Variants in CPNE4 observed in about 807,000 individuals in gnomAD.
CPNE4 encodes the protein copine 4.
In CPNE4, 25 loss-of-function variants were observed where a neutral mutation model predicts 67.9. The ratio of observed to expected loss-of-function variants is 0.37; its 90% CI spans 0.27 to 0.51. The LOEUF (loss-of-function observed/expected upper bound fraction) is 0.51, where lower values mean the gene tolerates loss of function less well. Ranked by LOEUF, CPNE4 falls within the 20% of genes least tolerant of loss-of-function variation. The pLI, the probability that CPNE4 is intolerant of heterozygous loss-of-function variation, is 0.93. For missense variants in CPNE4, 464 were observed against 690.8 expected, an observed-to-expected ratio of 0.67 and a Z score of 3.68; for synonymous variants, 242 against 244.9, an observed-to-expected ratio of 0.99 and a Z score of 0.11.
At chr3:131,675,059 T>A (rs1231636086) in intron 6 of CPNE4, among the ~76,000 whole-genome samples, 3 of 152,140 alleles carry the variant, frequency 2.0e-5, no homozygotes, top group Non-Finnish European at 4.4e-5. Context: ...CTTAATTTCT[T>A]CATTGATCCA....
chr3:131,826,371 T>A (rs546883146), intron 2 of CPNE4, among the ~76,000 whole-genome samples: 39 of 151,908 alleles, frequency 2.6e-4, no homozygotes, highest in African/African-American at 8.0e-4. Context: ...AAAAAAAAAA[T>A]TTTCTTTGTA....
At chr3:131,566,568 G>A (rs530135574) in intron 10 of CPNE4, among the ~76,000 whole-genome samples, 22 of 151,970 alleles carry the variant, frequency 1.4e-4, no homozygotes, top group African/African-American at 4.8e-4. Flanking sequence ...CCACCAATGA[G>A]GCCTCAACAA....
chr3:131,735,382 G>A (rs2082212251), intron 2 of CPNE4, among the ~76,000 whole-genome samples: 1 of 152,212 alleles, frequency 6.6e-6, no homozygotes, highest in Non-Finnish European at 1.5e-5. Context: ...ATTTCCTGAA[G>A]CATGTTTCAT....
upstream of CPNE4, chr3:132,038,017 T>TC (rs1553838882): frequency 6.5e-6 from 1 of 154,428 alleles, no homozygotes; most frequent in Admixed American, 6.4e-5. Flanking sequence ...TTTTTTTTTT[T>TC]CTGTAAGAAC....
At chr3:131,630,847 G>C (rs533967927) in intron 7 of CPNE4, among the ~76,000 whole-genome samples, 1 of 152,224 alleles carries the variant, frequency 6.6e-6, no homozygotes, top group Non-Finnish European at 1.5e-5. Flanking sequence ...TAGATGTAGA[G>C]ATAGGGAGAT....
Position 131,587,589 on chromosome 3 carries a change from G to A in CPNE4, c.682-7C>T. ...CCCAGTCCCATACTATGCACTGTAA[G>A]AGAAAACAATGATCTTTCTTAAAAA... On this transcript the variant is annotated splice_polypyrimidine_tract_variant and splice_region_variant and intron_variant, in intron 7 of 15. Coordinates refer to ENST00000429747, the MANE Select transcript of CPNE4 (RefSeq NM_130808.3). 2 of 1,591,304 alleles carry A rather than the reference G, an allele frequency of 1.3e-6. No homozygotes were observed. Among genetic ancestry groups the A allele is most frequent in the Non-Finnish European group, 8.6e-7 (1 of 1,160,772 alleles).
chr3:131,930,346 G>A (rs2071023126), intron 1 of CPNE4, among the ~76,000 whole-genome samples: 1 of 152,110 alleles, frequency 6.6e-6, no homozygotes, highest in African/African-American at 2.4e-5. Context: ...GAGAAGATCA[G>A]TAATATAACC....
intron 3 of CPNE4, among the ~76,000 whole-genome samples, chr3:131,704,849 A>C (rs115288784): frequency 2.2e-3 from 331 of 152,172 alleles, no homozygotes; most frequent in African/African-American, 7.1e-3. Flanking sequence ...GTTATGGATG[A>C]AATTGTGTAT....
chr3:131,839,222 T>C (rs1393875599), intron 2 of CPNE4, among the ~76,000 whole-genome samples: 1 of 151,916 alleles, frequency 6.6e-6, no homozygotes, highest in Non-Finnish European at 1.5e-5. Flanking sequence ...AATACTTGCA[T>C]TAAAATGGTG....
intron 2 of CPNE4, among the ~76,000 whole-genome samples, chr3:131,811,078 A>G (rs57982185): frequency 0.021 from 3,144 of 152,216 alleles, 125 homozygotes; most frequent in African/African-American, 0.072. Context: ...ACACAAGATA[A>G]ATAAGCTCTG....
chr3:131,992,224 C>T (rs1407034436), intron 1 of CPNE4, among the ~76,000 whole-genome samples: 1 of 136,302 alleles, frequency 7.3e-6, no homozygotes, highest in African/African-American at 2.5e-5. Context: ...CTGGAAAAGC[C>T]TCAGACACAC....
chr3:131,771,939 A>G (rs1262437697), intron 2 of CPNE4, among the ~76,000 whole-genome samples: 1 of 152,130 alleles, frequency 6.6e-6, no homozygotes, highest in East Asian at 1.9e-4. Flanking sequence ...TTCCAGATAC[A>G]GTCATTTTTG....
At chr3:132,017,902 C>CTCATT (rs1306801037) in intron 1 of CPNE4, 1 of 152,328 alleles carries the variant, frequency 6.6e-6, no homozygotes, top group Non-Finnish European at 1.5e-5. Flanking sequence ...TTTGAGGATA[C>CTCATT]TCATTGGCAC....
At chr3:131,984,868 T>A (rs1237649507) in intron 1 of CPNE4, among the ~76,000 whole-genome samples, 1 of 152,194 alleles carries the variant, frequency 6.6e-6, no homozygotes, top group Non-Finnish European at 1.5e-5. Context: ...AAGCTCCAAT[T>A]ACTCACAATG....
At chr3:131,811,069 C>T (rs545176838) in intron 2 of CPNE4, among the ~76,000 whole-genome samples, 2 of 152,132 alleles carry the variant, frequency 1.3e-5, no homozygotes, top group African/African-American at 4.8e-5. Flanking sequence ...GTTTTAGTTA[C>T]ACAAGATAAA....
At chr3:131,984,876 A>G (rs2073004362) in intron 1 of CPNE4, among the ~76,000 whole-genome samples, 1 of 152,192 alleles carries the variant, frequency 6.6e-6, no homozygotes, top group Non-Finnish European at 1.5e-5. Context: ...ATTACTCACA[A>G]TGCAAATGTG....
intron 6 of CPNE4, among the ~76,000 whole-genome samples, chr3:131,679,234 A>G (rs991423517): frequency 2.0e-5 from 3 of 152,058 alleles, no homozygotes; most frequent in Non-Finnish European, 4.4e-5. Context: ...TGTTTATAAC[A>G]TTCTCTGATG....
intron 1 of CPNE4, among the ~76,000 whole-genome samples, chr3:131,988,126 T>C (rs1454897720): frequency 2.6e-5 from 4 of 152,216 alleles, no homozygotes; most frequent in Non-Finnish European, 4.4e-5. Flanking sequence ...CCAGGATTTA[T>C]GGATATTAGA....
chr3:131,863,491 G>T (rs1258778558), intron 2 of CPNE4, among the ~76,000 whole-genome samples: 1 of 152,172 alleles, frequency 6.6e-6, no homozygotes, highest in Admixed American at 6.5e-5. Flanking sequence ...GTGTCTTTTG[G>T]CTGCATAAAT....
Sources: gnomAD v4.1 joint callset for allele counts (sites outside exome capture counted in the v4.1 genomes callset) on GRCh38, gnomAD v4.1.1 for gene constraint, MANE v1.5 for transcripts, NCBI Gene and HGNC (gene_info 2026-07-23, HGNC 2026-07-21) for gene names.